LRRC40: variants seen among roughly 807,000 people sequenced by gnomAD.
The protein encoded by LRRC40 is leucine rich repeat containing 40.
LRRC40 carries 76 observed loss-of-function variants against 72.8 expected under a neutral mutation model. The observed-to-expected ratio is 1.04, with a 90% CI of 0.87 to 1.26. The LOEUF is 1.26. Among genes scored for constraint, LRRC40 ranks in the 50% most tolerant of loss-of-function variants. The pLI, the probability that LRRC40 is intolerant of heterozygous loss-of-function variation, is 0.00. For missense variants in LRRC40, 684 were observed against 698.9 expected, an observed-to-expected ratio of 0.98 and a Z score of 0.24; for synonymous variants, 243 against 254.2, an observed-to-expected ratio of 0.96 and a Z score of 0.42.
At position 70,180,835 on chromosome 1, in the gene LRRC40, T is replaced by C. The variant is rs556725166; in HGVS notation, c.661+251A>G. Reference sequence around the variant, plus strand: ...AATGAAAGACAGTATAGCTTAGGTATATAATCCTACTACAACGAATAATCA... The same window carrying C: ...AATGAAAGACAGTATAGCTTAGGTACATAATCCTACTACAACGAATAATCA... On this transcript the variant is annotated intron_variant, in intron 5 of 14. Transcript: ENST00000370952. Among the ~76,000 whole-genome samples, 7 of 152,296 alleles carry C rather than the reference T, an allele frequency of 4.6e-5. No individual in the cohort carries two copies. The East Asian group carries it at 1.4e-3, about 29-fold the overall frequency.
intron 9 of LRRC40, among the ~76,000 whole-genome samples, chr1:70,163,189 C>T (rs956153700): frequency 6.6e-6 from 1 of 151,980 alleles, no homozygotes; most frequent in African/African-American, 2.4e-5. Context: ...GATTCTCCTG[C>T]CTCAGCCTCT....
intron 9 of LRRC40, among the ~76,000 whole-genome samples, chr1:70,162,053 A>G (rs1360802969): frequency 6.6e-6 from 1 of 151,108 alleles, no homozygotes; most frequent in East Asian, 1.9e-4. Flanking sequence ...CAATAGTAGA[A>G]GAATTGAAAA....
intron 9 of LRRC40, among the ~76,000 whole-genome samples, chr1:70,164,745 A>G (rs1469958952): frequency 6.6e-6 from 1 of 152,192 alleles, no homozygotes; most frequent in Non-Finnish European, 1.5e-5. Flanking sequence ...GCTTATCACA[A>G]ACTGTAATGA....
At chr1:70,179,028 GA>G (rs750079404) in intron 5 of LRRC40, 35 bp from the exon 6 acceptor site, 68 of 1,356,022 alleles carry the variant, frequency 5.0e-5, no homozygotes, top group African/African-American at 1.0e-4. Context: ...CAAAAATAGA[GA>G]AAAAAAAATT....
chr1:70,154,685 T>C (rs1315511621), intron 11 of LRRC40, among the ~76,000 whole-genome samples: 2 of 152,164 alleles, frequency 1.3e-5, no homozygotes, highest in Admixed American at 6.5e-5. Context: ...ATCTAAAAAA[T>C]TTTTGATAGT....
At chr1:70,149,357 C>T (rs1322406103) in intron 13 of LRRC40, among the ~76,000 whole-genome samples, 1 of 152,104 alleles carries the variant, frequency 6.6e-6, no homozygotes, top group Non-Finnish European at 1.5e-5. Flanking sequence ...CGCATACTGC[C>T]CCCTTCCTTT....
chr1:70,204,370 T>TA (rs1668842147), intron 1 of LRRC40, among the ~76,000 whole-genome samples: 1 of 152,158 alleles, frequency 6.6e-6, no homozygotes, highest in African/African-American at 2.4e-5. Flanking sequence ...TAAATGCTGT[T>TA]AAAAAATTAA....
chr1:70,205,572 C>T lies in LRRC40; in HGVS notation c.-32G>A, dbSNP rs771341996. On this transcript the variant is annotated 5_prime_UTR_variant, in exon 1 of 15. Transcript: ENST00000370952. ...AGTCCTAGGTCCAGAAGCTGCAGCC[C>T]CACCCGTGACGCTTAAAGGTGGCGC... 12 of 1,560,688 alleles carry T rather than the reference C, an allele frequency of 7.7e-6. No individual in the cohort carries two copies. In the East Asian group the frequency reaches 2.1e-4, roughly 27 times the overall value.
intron 9 of LRRC40, among the ~76,000 whole-genome samples, chr1:70,162,369 C>T (rs1667784691): frequency 6.6e-6 from 1 of 151,964 alleles, no homozygotes; most frequent in African/African-American, 2.4e-5. Context: ...CATAAAATGC[C>T]CCAAAGTGTG....
At chr1:70,159,494 A>C in intron 9 of LRRC40, 56 bp from the exon 10 acceptor site, 1 of 753,388 alleles carries the variant, frequency 1.3e-6, no homozygotes, top group Non-Finnish European at 2.3e-6. Context: ...TCATTGTTAA[A>C]ATTCTTGATA....
rs536817873 is a variant in LRRC40 at position 70,188,693 on chromosome 1, G to A, written c.333+399C>T. Among the ~76,000 whole-genome samples, 84 of 152,186 alleles carry A rather than the reference G, an allele frequency of 5.5e-4. No homozygotes were observed. The South Asian group carries it at 6.0e-3, about 11-fold the overall frequency. Reference sequence around the variant, plus strand: ...CAAGGCTGCAGTGAGCCATGATCACGCCACTATTTTGCCTGTGCAAAATAG... The same window carrying A: ...CAAGGCTGCAGTGAGCCATGATCACACCACTATTTTGCCTGTGCAAAATAG... On this transcript the variant is annotated intron_variant, in intron 2 of 14. Transcript: ENST00000370952.
rs1474965027 is a variant in LRRC40, at chr1:70,199,070, T to C, written c.151+6320A>G. Among the ~76,000 whole-genome samples the C allele has an allele frequency of 2.6e-5, 4 of 152,116 alleles. No individual in the cohort carries two copies. The East Asian group carries it at 7.7e-4, about 29-fold the overall frequency. ...GGGAGCTGAGGTGGGAAAATCACTTTTGAGATAAGGAAGTCAAGGCTGCAG... is the reference window on the plus strand; with the variant it reads ...GGGAGCTGAGGTGGGAAAATCACTTCTGAGATAAGGAAGTCAAGGCTGCAG... On this transcript the variant is annotated intron_variant, in intron 1 of 14. Coordinates refer to ENST00000370952, the MANE Select transcript of LRRC40 (RefSeq NM_017768.5).
At chr1:70,195,329 C>A in intron 1 of LRRC40, among the ~76,000 whole-genome samples, 1 of 148,340 alleles carries the variant, frequency 6.7e-6, no homozygotes, top group Admixed American at 6.7e-5. Flanking sequence ...AATTGTATCT[C>A]AAATATATAC....
intron 1 of LRRC40, among the ~76,000 whole-genome samples, chr1:70,202,345 A>T (rs1029549142): frequency 6.6e-6 from 1 of 152,062 alleles, no homozygotes; most frequent in Non-Finnish European, 1.5e-5. Flanking sequence ...ATTGAATATT[A>T]CTCAGCAATA....
chr1:70,157,714 C>T (rs569974021), intron 10 of LRRC40, among the ~76,000 whole-genome samples: 2 of 152,230 alleles, frequency 1.3e-5, no homozygotes, highest in South Asian at 4.1e-4. Flanking sequence ...TCTGTCTCAT[C>T]AATCAGTTTA....
chr1:70,197,311 C>G lies in LRRC40; in HGVS notation c.152-8038G>C, dbSNP rs564316935. Reference sequence around the variant, plus strand: ...ATTTTATTTTATTTTTTTTTGAGAGCCTGTCACCCAGGCTGGAGTACAGTG... The same window carrying G: ...ATTTTATTTTATTTTTTTTTGAGAGGCTGTCACCCAGGCTGGAGTACAGTG... On this transcript the variant is annotated intron_variant, in intron 1 of 14. Coordinates refer to ENST00000370952, the MANE Select transcript of LRRC40 (RefSeq NM_017768.5). Among the ~76,000 whole-genome samples the G allele has an allele frequency of 1.3e-4, 19 of 151,364 alleles. No homozygotes were observed. The South Asian group carries it at 3.3e-3, about 27-fold the overall frequency.
chr1:70,200,567 ATTTG>A (rs373477377), intron 1 of LRRC40, among the ~76,000 whole-genome samples: 74 of 152,322 alleles, frequency 4.9e-4, no homozygotes, highest in East Asian at 4.8e-3. Flanking sequence ...TTAAATTATT[ATTTG>A]TTTAACAAGT....
chr1:70,161,327 G>A (rs985454760), intron 9 of LRRC40, among the ~76,000 whole-genome samples: 13 of 151,800 alleles, frequency 8.6e-5, no homozygotes, highest in African/African-American at 2.2e-4. Context: ...CTCGTGATCC[G>A]CCTGCCTTGG....
chr1:70,155,398 A>C (rs1667614699), intron 11 of LRRC40, among the ~76,000 whole-genome samples: 1 of 152,094 alleles, frequency 6.6e-6, no homozygotes. Flanking sequence ...ATATTTCATT[A>C]TATGGGAAAA....
Sources: allele counts gnomAD v4.1 joint callset (sites outside exome capture counted in the v4.1 genomes callset), GRCh38; gene constraint gnomAD v4.1.1; transcripts MANE v1.5; gene names NCBI Gene and HGNC (gene_info 2026-07-23, HGNC 2026-07-21).